CNTLN: variants seen among roughly 807,000 people sequenced by gnomAD.
CNTLN encodes the protein centlein, centrosomal protein.
A neutral mutation model predicts 180.0 loss-of-function variants in CNTLN; 212 were observed. The observed-to-expected ratio is 1.18, with a 90% CI of 1.05 to 1.32. The LOEUF (loss-of-function observed/expected upper bound fraction) is 1.32, where lower values mean the gene tolerates loss of function less well. Ranked by LOEUF, CNTLN falls within the 40% of genes most tolerant of loss-of-function variation. The probability of loss-of-function intolerance (pLI) is 0.00; values close to 1 mark genes in which losing one functional copy is unlikely to be tolerated. For synonymous variants in CNTLN, 722 were observed against 563.1 expected, an observed-to-expected ratio of 1.28 and a Z score of -3.99; for missense variants, 2,095 against 1,610.9, an observed-to-expected ratio of 1.30 and a Z score of -5.14.
intron 5 of CNTLN, among the ~76,000 whole-genome samples, chr9:17,266,828 G>A (rs372650900): frequency 6.6e-6 from 1 of 151,774 alleles, no homozygotes; most frequent in Admixed American, 6.6e-5. Flanking sequence ...TTGTTGGTTT[G>A]AAGTCTGTTT....
the CNTLN span, among the ~76,000 whole-genome samples, chr9:17,526,766 G>A: frequency 6.6e-6 from 1 of 152,014 alleles, no homozygotes; most frequent in Non-Finnish European, 1.5e-5. Context: ...TAGCTCTAGA[G>A]TTTCCACTAA....
Position 17,261,358 on chromosome 9 carries a change from T to G in CNTLN, c.850-12375T>G, listed in dbSNP as rs74858149. Among the ~76,000 whole-genome samples the G allele has an allele frequency of 2.4e-3, 357 of 151,544 alleles. 16 individuals carry two copies. The highest frequency in any genetic ancestry group is 8.5e-3 in the African/African-American group (347 of 40,956). On this transcript the variant is annotated intron_variant, in intron 5 of 25. Coordinates refer to ENST00000380647, the MANE Select transcript of CNTLN (RefSeq NM_017738.4). ...TCATCTATGATTTCTCTTATCAGTG[T>G]TTTGTACTTCTTCTTGTAAAGATCT...
In CNTLN at chr9:17,295,117, C is replaced by T. The variant is rs548350084; in HGVS notation, c.984-3073C>T. On this transcript the variant is annotated intron_variant, in intron 6 of 25. Coordinates refer to ENST00000380647, the MANE Select transcript of CNTLN (RefSeq NM_017738.4). ...TGCCGGGCTGGCGGGGCTGGCTGGC[C>T]GCTCTGAGTGCGGGCCGCCAAGCCC... is the stretch of plus-strand genomic sequence containing the variant. Among the ~76,000 whole-genome samples the T allele has an allele frequency of 7.2e-3, 1,089 of 151,114 alleles. 15 individuals carry two copies. Among genetic ancestry groups the T allele is most frequent in the Admixed American group, 0.028 (433 of 15,232 alleles).
chr9:17,410,117 C>A (rs553879514), intron 16 of CNTLN, among the ~76,000 whole-genome samples: 193 of 152,192 alleles, frequency 1.3e-3, no homozygotes, highest in African/African-American at 4.4e-3. Context: ...TTAGTTACTA[C>A]CAGAATAAAG....
intron 13 of CNTLN, among the ~76,000 whole-genome samples, chr9:17,376,240 T>A (rs1824744023): frequency 3.3e-5 from 5 of 152,200 alleles, no homozygotes; most frequent in Admixed American, 3.3e-4. Flanking sequence ...TACTTCTTAA[T>A]AACTAGGGTT....
chr9:17,386,202 A>G (rs1280774518), intron 13 of CNTLN, among the ~76,000 whole-genome samples: 1 of 152,068 alleles, frequency 6.6e-6, no homozygotes, highest in East Asian at 1.9e-4. Context: ...ACAAAGTAAA[A>G]GATTGCAGAA....
At chr9:17,331,631 A>G (rs1186489830) in intron 9 of CNTLN, among the ~76,000 whole-genome samples, 1 of 151,940 alleles carries the variant, frequency 6.6e-6, no homozygotes, top group East Asian at 1.9e-4. Flanking sequence ...GGTAGGACAA[A>G]CTATCTTAAT....
the CNTLN span, among the ~76,000 whole-genome samples, chr9:17,514,617 G>T: frequency 6.6e-6 from 1 of 152,116 alleles, no homozygotes; most frequent in Non-Finnish European, 1.5e-5. Flanking sequence ...AGTAAAAATA[G>T]AAATTTTAGT....
chr9:17,154,826 T>G (rs2131542279), intron 2 of CNTLN, among the ~76,000 whole-genome samples: 1 of 152,268 alleles, frequency 6.6e-6, no homozygotes, highest in Non-Finnish European at 1.5e-5. Context: ...AATAAGGGAA[T>G]AAAAGCTGGC....
intron 15 of CNTLN, among the ~76,000 whole-genome samples, chr9:17,405,904 T>C (rs568542522): frequency 4.0e-5 from 6 of 151,822 alleles, no homozygotes; most frequent in Admixed American, 2.6e-4. Context: ...TTCTCCAGAG[T>C]AGCTGGGATT....
intron 8 of CNTLN, among the ~76,000 whole-genome samples, chr9:17,324,208 C>T (rs1191625877): frequency 6.6e-6 from 1 of 151,826 alleles, no homozygotes; most frequent in African/African-American, 2.4e-5. Flanking sequence ...TGGCTTATAC[C>T]CCGAAGTCAC....
At chr9:17,422,741 C>T (rs144720880) in intron 18 of CNTLN, among the ~76,000 whole-genome samples, 2 of 152,194 alleles carry the variant, frequency 1.3e-5, no homozygotes, top group Non-Finnish European at 2.9e-5. Context: ...TTATTGAGGT[C>T]ATGTTTTCCC....
intron 5 of CNTLN, among the ~76,000 whole-genome samples, chr9:17,242,729 G>T (rs1033560605): frequency 5.3e-5 from 8 of 152,166 alleles, no homozygotes; most frequent in African/African-American, 1.7e-4. Context: ...CATGATGAAT[G>T]ATCTTTTTGA....
chr9:17,497,682 C>A (rs1193702126), intron 25 of CNTLN, among the ~76,000 whole-genome samples: 1 of 152,088 alleles, frequency 6.6e-6, no homozygotes, highest in Non-Finnish European at 1.5e-5. Flanking sequence ...AGCAGAACTC[C>A]AAGAATTCTT....
chr9:17,441,638 G>A (rs1830116160), intron 18 of CNTLN, among the ~76,000 whole-genome samples: 1 of 150,536 alleles, frequency 6.6e-6, no homozygotes, highest in African/African-American at 2.4e-5. Flanking sequence ...GATAGCAACA[G>A]AGGAAAAGAC....
At chr9:17,296,339 A>G (rs1000061937) in intron 6 of CNTLN, among the ~76,000 whole-genome samples, 11 of 152,102 alleles carry the variant, frequency 7.2e-5, no homozygotes, top group Admixed American at 4.6e-4. Flanking sequence ...TTTTGACTAA[A>G]GATACATATA....
chr9:17,236,677 T>C (rs1046684316), intron 5 of CNTLN, 89 bp downstream of exon 5: 6 of 1,014,480 alleles, frequency 5.9e-6, no homozygotes, highest in African/African-American at 4.9e-5. Context: ...TAACAACTTA[T>C]ATATTCATAT....
intron 2 of CNTLN, 49 bp downstream of exon 2, chr9:17,143,425 T>C (rs952265094): frequency 4.6e-6 from 6 of 1,308,278 alleles, no homozygotes; most frequent in Non-Finnish European, 6.6e-6. Context: ...GTTGAGTTTG[T>C]TTCTCTTCAT....
chr9:17,392,545 T>C (rs1163327924), intron 14 of CNTLN, among the ~76,000 whole-genome samples: 1 of 152,152 alleles, frequency 6.6e-6, no homozygotes, highest in Non-Finnish European at 1.5e-5. Context: ...GAAGGAACAA[T>C]ACAATCTCTT....
Sources: gnomAD v4.1 joint callset for allele counts (sites outside exome capture counted in the v4.1 genomes callset) on GRCh38, gnomAD v4.1.1 for gene constraint, MANE v1.5 for transcripts, NCBI Gene and HGNC (gene_info 2026-07-23, HGNC 2026-07-21) for gene names.